Variants in MRPL13 observed in about 807,000 individuals in gnomAD.
MRPL13 encodes the protein mitochondrial ribosomal protein L13, also known as large ribosomal subunit protein uL13m.
A neutral mutation model predicts 29.0 loss-of-function variants in MRPL13; 33 were observed. The observed-to-expected ratio is 1.14, with a 90% CI of 0.86 to 1.52. MRPL13 has a LOEUF of 1.52. Ranked by LOEUF, MRPL13 falls within the 40% of genes most tolerant of loss-of-function variation. The pLI is 0.00. For missense variants in MRPL13, 227 were observed against 216.7 expected, an observed-to-expected ratio of 1.05 and a Z score of -0.30; for synonymous variants, 77 against 68.4, an observed-to-expected ratio of 1.13 and a Z score of -0.62.
chr8:120,436,221 A>G (rs952380884), intron 2 of MRPL13, among the ~76,000 whole-genome samples: 14 of 152,140 alleles, frequency 9.2e-5, no homozygotes, highest in Non-Finnish European at 1.8e-4. Context: ...TGTGCTATAC[A>G]GTAAGCTCAT....
intron 4 of MRPL13, 120 bp downstream of exon 4, chr8:120,425,186 A>C (rs779894405): frequency 1.5e-6 from 1 of 686,598 alleles, no homozygotes; most frequent in Non-Finnish European, 2.4e-6. Context: ...GATACAGCTA[A>C]AGTGAAGAAT....
At chr8:120,400,425 T>C (rs1170674383) in intron 6 of MRPL13, among the ~76,000 whole-genome samples, 1 of 152,066 alleles carries the variant, frequency 6.6e-6, no homozygotes, top group East Asian at 1.9e-4. Context: ...TCTTTGAAAC[T>C]AATGAGAATG....
intron 3 of MRPL13, among the ~76,000 whole-genome samples, chr8:120,431,392 A>C (rs1428192978): frequency 6.6e-6 from 1 of 152,224 alleles, no homozygotes; most frequent in Admixed American, 6.6e-5. Context: ...AGTAAACTTA[A>C]GGTCTTGCAA....
intron 1 of MRPL13, 157 bp downstream of exon 1, chr8:120,444,911 G>A: frequency 1.3e-6 from 1 of 781,286 alleles, no homozygotes; most frequent in Non-Finnish European, 2.1e-6. Flanking sequence ...TTAAGTGCTT[G>A]CCAGACTGAC....
intron 2 of MRPL13, 58 bp from the exon 3 acceptor site, chr8:120,432,181 G>A: frequency 7.4e-7 from 1 of 1,345,450 alleles, no homozygotes; most frequent in Non-Finnish European, 1.0e-6. Flanking sequence ...AAGAAAAAGT[G>A]GCCTTGGTTA....
intron 6 of MRPL13, among the ~76,000 whole-genome samples, chr8:120,403,465 G>A (rs893904741): frequency 8.6e-5 from 13 of 151,928 alleles, no homozygotes; most frequent in Non-Finnish European, 1.5e-5. Context: ...GGGTTGGGGG[G>A]AACAACGCAC....
At chr8:120,408,015 G>A (rs1297385791) in intron 6 of MRPL13, among the ~76,000 whole-genome samples, 2 of 152,148 alleles carry the variant, frequency 1.3e-5, no homozygotes, top group Non-Finnish European at 1.5e-5. Flanking sequence ...AGGAAATCTG[G>A]TGACATCACA....
intron 2 of MRPL13, among the ~76,000 whole-genome samples, chr8:120,433,382 TAA>T (rs1330246638): frequency 6.6e-6 from 1 of 152,114 alleles, no homozygotes; most frequent in Non-Finnish European, 1.5e-5. Context: ...GCTCACACGC[TAA>T]GTTACCTAAC....
intron 1 of MRPL13, among the ~76,000 whole-genome samples, chr8:120,444,058 A>G (rs1282507029): frequency 1.3e-5 from 2 of 152,132 alleles, no homozygotes; most frequent in Non-Finnish European, 2.9e-5. Flanking sequence ...CTTATTTTAA[A>G]TTTACTTATC....
intron 6 of MRPL13, among the ~76,000 whole-genome samples, chr8:120,403,147 G>A (rs1379204307): frequency 2.0e-5 from 3 of 152,034 alleles, no homozygotes; most frequent in Non-Finnish European, 4.4e-5. Context: ...TCCATTTCTG[G>A]GTATATACCC....
intron 2 of MRPL13, among the ~76,000 whole-genome samples, chr8:120,436,474 T>C (rs1813055700): frequency 6.6e-6 from 1 of 152,188 alleles, no homozygotes; most frequent in Non-Finnish European, 1.5e-5. Flanking sequence ...TCTGTTCATG[T>C]ATTCTGCCCA....
At position 120,441,090 on chromosome 8, in the gene MRPL13, C is replaced by T. The variant is rs929526214; in HGVS notation, c.151+2095G>A. On this transcript the variant is annotated intron_variant, in intron 2 of 6. Transcript: ENST00000306185. Reference sequence around the variant, plus strand: ...AAGAGGAGTCACAGATAAGGCAAAGCCTTCAAACCAGAGCAACAAAAAGAA... The same window carrying T: ...AAGAGGAGTCACAGATAAGGCAAAGTCTTCAAACCAGAGCAACAAAAAGAA... Among the ~76,000 whole-genome samples the T allele has an allele frequency of 5.9e-5, 9 of 151,832 alleles. No homozygotes were observed. The East Asian group carries it at 1.7e-3, about 29-fold the overall frequency.
At chr8:120,423,621 T>C (rs891918016) in intron 4 of MRPL13, among the ~76,000 whole-genome samples, 2 of 152,172 alleles carry the variant, frequency 1.3e-5, no homozygotes, top group African/African-American at 2.4e-5. Flanking sequence ...ATTGTTATCT[T>C]AGAATTCCAC....
At chr8:120,425,987 C>T (rs1812927958) in intron 3 of MRPL13, among the ~76,000 whole-genome samples, 1 of 151,994 alleles carries the variant, frequency 6.6e-6, no homozygotes, top group African/African-American at 2.4e-5. Context: ...ACCCTAGATG[C>T]AGGTATGGAA....
At chr8:120,437,637 G>C (rs1161649437) in intron 2 of MRPL13, among the ~76,000 whole-genome samples, 2 of 152,108 alleles carry the variant, frequency 1.3e-5, no homozygotes, top group Non-Finnish European at 2.9e-5. Context: ...TAATTAGAAG[G>C]AGGGATTCCT....
chr8:120,411,838 T>C (rs771291511), intron 6 of MRPL13, among the ~76,000 whole-genome samples: 83 of 152,080 alleles, frequency 5.5e-4, no homozygotes, highest in Non-Finnish European at 8.1e-4. Flanking sequence ...TCCTTAAAAA[T>C]AGCTATAGAA....
In MRPL13 at chr8:120,396,045, A is replaced by G; in HGVS notation, c.*59T>C. ...TTTTACTCCATCCTGTAGGTTAGAG[A>G]AACTCATCAGAAGAAAGTTTCAATC... On this transcript the variant is annotated 3_prime_UTR_variant, in exon 7 of 7. Coordinates refer to ENST00000306185, the MANE Select transcript of MRPL13 (RefSeq NM_014078.6). 3.5e-6 allele frequency: 5 copies of G among 1,433,274 alleles called. No homozygotes were observed. Among genetic ancestry groups the G allele is most frequent in the Non-Finnish European group, 4.8e-6 (5 of 1,034,326 alleles). 88.8% of individuals were successfully genotyped at this position (1,433,274 alleles called of 1,614,324 possible).
intron 6 of MRPL13, among the ~76,000 whole-genome samples, chr8:120,400,819 G>T (rs1416910045): frequency 1.3e-5 from 2 of 151,858 alleles, no homozygotes; most frequent in Non-Finnish European, 1.5e-5. Flanking sequence ...TGATAAGGGG[G>T]TATCACTACT....
intron 2 of MRPL13, among the ~76,000 whole-genome samples, chr8:120,433,327 ACATT>A (rs1813017214): frequency 6.6e-6 from 1 of 152,142 alleles, no homozygotes; most frequent in African/African-American, 2.4e-5. Flanking sequence ...ACTTTAGCTC[ACATT>A]CAGACATTTA....
Sources: allele counts gnomAD v4.1 joint callset (sites outside exome capture counted in the v4.1 genomes callset), GRCh38; gene constraint gnomAD v4.1.1; transcripts MANE v1.5; gene names NCBI Gene and HGNC (gene_info 2026-07-23, HGNC 2026-07-21).